VKORC1L1: variants seen among roughly 807,000 people sequenced by gnomAD.
VKORC1L1 encodes the protein vitamin K epoxide reductase complex subunit 1-like protein 1.
Under a neutral mutation model 18.9 loss-of-function variants are expected in VKORC1L1, and 2 were observed. The observed-to-expected ratio is 0.11, with a 90% CI of 0.04 to 0.33. The LOEUF (loss-of-function observed/expected upper bound fraction) is 0.33. VKORC1L1 is among the 10% of genes least tolerant of loss of function. VKORC1L1 has a pLI of 1.00. For synonymous variants in VKORC1L1, 96 were observed against 100.0 expected, an observed-to-expected ratio of 0.96 and a Z score of 0.24; for missense variants, 123 against 224.1, an observed-to-expected ratio of 0.55 and a Z score of 2.88.
At chr7:65,932,474 T>A (rs1018059199) in intron 1 of VKORC1L1, among the ~76,000 whole-genome samples, 3 of 152,206 alleles carry the variant, frequency 2.0e-5, no homozygotes, top group Admixed American at 6.5e-5. Context: ...AGCATTTTAA[T>A]GCTATAAATT....
chr7:65,904,495 G>A (rs1393780157), intron 1 of VKORC1L1, among the ~76,000 whole-genome samples: 10 of 152,106 alleles, frequency 6.6e-5, no homozygotes, highest in Admixed American at 2.6e-4. Context: ...GTGAGCTACC[G>A]TGCCTGGCAG....
intron 1 of VKORC1L1, among the ~76,000 whole-genome samples, chr7:65,916,586 T>G (rs939155195): frequency 2.0e-5 from 3 of 152,116 alleles, no homozygotes; most frequent in Admixed American, 6.6e-5. Context: ...GGTCATTGTT[T>G]GATATAGGAA....
intron 1 of VKORC1L1, among the ~76,000 whole-genome samples, chr7:65,925,096 T>A (rs2115637924): frequency 6.6e-6 from 1 of 152,338 alleles, no homozygotes; most frequent in East Asian, 1.9e-4. Context: ...CTTCTAAATC[T>A]GCATTTCAGA....
rs151312484 is a variant in VKORC1L1, at chr7:65,933,869, G to A, written c.195-14802G>A. On this transcript the variant is annotated intron_variant, in intron 1 of 2. Transcript: ENST00000360768. ...TTACAGTATGCACACATAGCCTTTC[G>A]TATTCTAGTTAGATTTTATATTTAG... Among the ~76,000 whole-genome samples the A allele has an allele frequency of 3.0e-3, 459 of 152,052 alleles. 1 individual carries two copies. The highest frequency in any genetic ancestry group is 5.4e-3 in the Non-Finnish European group (365 of 68,008).
At chr7:65,939,676 C>T (rs189742174) in intron 1 of VKORC1L1, among the ~76,000 whole-genome samples, 15 of 152,190 alleles carry the variant, frequency 9.9e-5, no homozygotes, top group African/African-American at 2.4e-4. Context: ...TCATTTCTGC[C>T]GGAAACAAGG....
chr7:65,944,258 CT>C, intron 1 of VKORC1L1, among the ~76,000 whole-genome samples: 1 of 151,978 alleles, frequency 6.6e-6, no homozygotes, highest in East Asian at 1.9e-4. Flanking sequence ...ATCCCAGCTA[CT>C]TTAGGAGGCT....
At chr7:65,895,974 C>T (rs1789204186) in intron 1 of VKORC1L1, among the ~76,000 whole-genome samples, 1 of 146,846 alleles carries the variant, frequency 6.8e-6, no homozygotes, top group East Asian at 2.0e-4. Context: ...CGGCTCACTG[C>T]AACCTCCGCC....
rs764461129 is a variant in VKORC1L1, at chr7:65,956,095, A to G, written c.*1795A>G. 3 of 152,224 alleles carry G rather than the reference A, an allele frequency of 2.0e-5. No homozygotes were observed. Among genetic ancestry groups the G allele is most frequent in the Admixed American group, 6.5e-5 (1 of 15,282 alleles). The allele number at this position is 152,224 out of a possible 1,614,324, so 9.4% of individuals were successfully genotyped here. A position where few individuals can be genotyped will look rare whatever the true frequency, so the allele number is the denominator to read the frequency against. ...TTTTCCCATGAATGTGAATCTTTCA[A>G]TGGCTGTTGGAGTATGTATGTACTG... On this transcript the variant is annotated 3_prime_UTR_variant, in exon 3 of 3. Transcript: ENST00000360768.
chr7:65,880,080 C>T (rs1021162594), intron 1 of VKORC1L1, among the ~76,000 whole-genome samples: 2 of 152,086 alleles, frequency 1.3e-5, no homozygotes, highest in Non-Finnish European at 2.9e-5. Context: ...GTCTCAAACT[C>T]CTGGCCTCAA....
At chr7:65,883,822 C>T (rs1469560475) in intron 1 of VKORC1L1, among the ~76,000 whole-genome samples, 1 of 151,986 alleles carries the variant, frequency 6.6e-6, no homozygotes, top group African/African-American at 2.4e-5. Flanking sequence ...TATAGATGCA[C>T]ATAAAATTTC....
chr7:65,873,953 G>C (rs1396258307), intron 1 of VKORC1L1, among the ~76,000 whole-genome samples: 1 of 152,154 alleles, frequency 6.6e-6, no homozygotes, highest in Non-Finnish European at 1.5e-5. Flanking sequence ...GCGGGCCGGG[G>C]GTGTGGGACC....
intron 1 of VKORC1L1, among the ~76,000 whole-genome samples, chr7:65,901,323 A>T (rs1789311791): frequency 6.6e-6 from 1 of 152,142 alleles, no homozygotes; most frequent in South Asian, 2.1e-4. Context: ...GAGCCAATGC[A>T]CTCCAGCCTG....
intron 1 of VKORC1L1, among the ~76,000 whole-genome samples, chr7:65,891,436 A>G (rs571847617): frequency 2.2e-4 from 33 of 152,204 alleles, no homozygotes; most frequent in African/African-American, 7.2e-4. Flanking sequence ...AATGAGGTTG[A>G]CCAGCCTTTT....
rs1346331216 is a variant in VKORC1L1 at position 65,958,699 on chromosome 7, T to C, written c.*4399T>C. The C allele has an allele frequency of 6.6e-6, 1 of 152,166 alleles. No homozygotes were observed. Among genetic ancestry groups the C allele is most frequent in the Non-Finnish European group, 1.5e-5 (1 of 68,034 alleles). The allele number at this position is 152,166 out of a possible 1,614,324, so 9.4% of individuals were successfully genotyped here. A position where few individuals can be genotyped will look rare whatever the true frequency, so the allele number is the denominator to read the frequency against. Reference sequence around the variant, plus strand: ...CAGGGTTGATTCTTTTTCTCTTAAATCATATGTAACTTGCAGAAGATTCAG... The same window carrying C: ...CAGGGTTGATTCTTTTTCTCTTAAACCATATGTAACTTGCAGAAGATTCAG... On this transcript the variant is annotated 3_prime_UTR_variant, in exon 3 of 3. Transcript: ENST00000360768.
At chr7:65,905,217 C>A (rs1789386691) in intron 1 of VKORC1L1, among the ~76,000 whole-genome samples, 1 of 152,234 alleles carries the variant, frequency 6.6e-6, no homozygotes. Context: ...CTTTTAATGT[C>A]TGTATAGTAT....
At chr7:65,926,377 A>G (rs1309111073) in intron 1 of VKORC1L1, among the ~76,000 whole-genome samples, 1 of 152,016 alleles carries the variant, frequency 6.6e-6, no homozygotes, top group Non-Finnish European at 1.5e-5. Context: ...GCTGGTCTTG[A>G]ACTCCTGACC....
chr7:65,953,727 G>C lies in VKORC1L1; in HGVS notation c.305-347G>C, dbSNP rs147894556. ...CTGGCCAACAAAAAATCAGCCAGGC[G>C]TGGTGGCACGTGCCTGTAATCCTGG... is the stretch of plus-strand genomic sequence containing the variant. On this transcript the variant is annotated intron_variant, in intron 2 of 2. Transcript: ENST00000360768. Among the ~76,000 whole-genome samples the C allele has an allele frequency of 1.6e-3, 236 of 152,152 alleles. 1 individual carries two copies. The highest frequency in any genetic ancestry group is 5.5e-3 in the African/African-American group (229 of 41,500).
intron 1 of VKORC1L1, among the ~76,000 whole-genome samples, chr7:65,875,194 T>G (rs1788806199): frequency 6.6e-6 from 1 of 152,192 alleles, no homozygotes. Flanking sequence ...GATCAGCCTG[T>G]TTATAAACTA....
At chr7:65,902,003 G>A (rs1367967451) in intron 1 of VKORC1L1, among the ~76,000 whole-genome samples, 2 of 152,188 alleles carry the variant, frequency 1.3e-5, no homozygotes, top group Non-Finnish European at 2.9e-5. Flanking sequence ...GAAAAAGCAA[G>A]TCTTGGAAGA....
Sources: gnomAD v4.1 joint callset for allele counts (sites outside exome capture counted in the v4.1 genomes callset) on GRCh38, gnomAD v4.1.1 for gene constraint, MANE v1.5 for transcripts, NCBI Gene and HGNC (gene_info 2026-07-23, HGNC 2026-07-21) for gene names.